Variants in CSMD1 observed in about 807,000 individuals in gnomAD.
The protein encoded by CSMD1 is CUB and Sushi multiple domains 1.
In CSMD1, 213 loss-of-function variants were observed where a neutral mutation model predicts 417.5. The observed-to-expected ratio is 0.51, with a 90% CI of 0.46 to 0.57. CSMD1 has a LOEUF of 0.57. Among genes scored for constraint, CSMD1 ranks in the 20% least tolerant of loss-of-function variants. CSMD1 has a pLI of 0.00. For synonymous variants in CSMD1, 2,862 were observed against 1,736.8 expected (o/e 1.65, Z -16.11); for missense variants, 6,923 against 4,529.7 (o/e 1.53, Z -15.17).
intron 26 of CSMD1, among the ~76,000 whole-genome samples, chr8:3,236,887 T>C (rs1799184588): frequency 6.6e-6 from 1 of 152,092 alleles, no homozygotes; most frequent in South Asian, 2.1e-4. Context: ...AGTGCCCTGT[T>C]TTCCAGTTTC....
At chr8:4,704,111 G>T (rs1346505859) in intron 1 of CSMD1, among the ~76,000 whole-genome samples, 1 of 152,152 alleles carries the variant, frequency 6.6e-6, no homozygotes, top group African/African-American at 2.4e-5. Flanking sequence ...GTCTGATACA[G>T]GCCTTCATCC....
At chr8:4,434,059 T>C (rs1249195275) in intron 2 of CSMD1, among the ~76,000 whole-genome samples, 2 of 152,168 alleles carry the variant, frequency 1.3e-5, no homozygotes, top group Non-Finnish European at 2.9e-5. Context: ...ATCTAGGGGC[T>C]GGACATTGGG....
chr8:4,505,150 A>G (rs1185107551), intron 2 of CSMD1, among the ~76,000 whole-genome samples: 1 of 152,210 alleles, frequency 6.6e-6, no homozygotes, highest in Non-Finnish European at 1.5e-5. Flanking sequence ...AAACCCCACA[A>G]TGATAAAAAC....
chr8:3,787,407 G>C (rs529909932), intron 5 of CSMD1, among the ~76,000 whole-genome samples: 94 of 152,178 alleles, frequency 6.2e-4, no homozygotes, highest in South Asian at 1.0e-3. Flanking sequence ...CTCCTGTTTT[G>C]TGGGAAATTC....
At chr8:3,289,572 G>A (rs1453009721) in intron 25 of CSMD1, among the ~76,000 whole-genome samples, 1 of 99,302 alleles carries the variant, frequency 1.0e-5, no homozygotes, top group Non-Finnish European at 2.4e-5. Flanking sequence ...TTCTCTGATG[G>A]CCGGTGATGA....
intron 3 of CSMD1, among the ~76,000 whole-genome samples, chr8:4,242,855 T>G (rs559775403): frequency 6.6e-6 from 1 of 152,312 alleles, no homozygotes; most frequent in African/African-American, 2.4e-5. Flanking sequence ...CTAGGTAAAT[T>G]AGATTAAAGC....
chr8:3,914,855 C>A (rs1808708963), intron 5 of CSMD1, among the ~76,000 whole-genome samples: 1 of 152,116 alleles, frequency 6.6e-6, no homozygotes, highest in Admixed American at 6.5e-5. Flanking sequence ...ACTTCCAAGG[C>A]ACACATCATA....
intron 6 of CSMD1, among the ~76,000 whole-genome samples, chr8:3,739,247 A>G (rs1357699457): frequency 6.6e-6 from 1 of 152,206 alleles, no homozygotes; most frequent in Non-Finnish European, 1.5e-5. Context: ...TTCTGTTCTC[A>G]TCCTTTGAAA....
intron 1 of CSMD1, among the ~76,000 whole-genome samples, chr8:4,645,074 T>C (rs1386098874): frequency 6.6e-6 from 1 of 152,088 alleles, no homozygotes; most frequent in Non-Finnish European, 1.5e-5. Context: ...AAAAGCAGAG[T>C]TGCTATTCTC....
At chr8:4,718,122 T>G (rs960100900) in intron 1 of CSMD1, among the ~76,000 whole-genome samples, 1 of 152,080 alleles carries the variant, frequency 6.6e-6, no homozygotes, top group Non-Finnish European at 1.5e-5. Context: ...GACAGGCACA[T>G]GCCACCATGC....
chr8:4,885,997 ATTTAC>A (rs147625090), intron 1 of CSMD1, among the ~76,000 whole-genome samples: 62,908 of 151,274 alleles, frequency 0.42, 13,350 homozygotes, highest in Middle Eastern at 0.52. Context: ...TTACTTATTT[ATTTAC>A]TTATTTGAGA....
chr8:4,094,563 A>G (rs542965513), intron 3 of CSMD1, among the ~76,000 whole-genome samples: 7 of 152,300 alleles, frequency 4.6e-5, no homozygotes, highest in African/African-American at 1.7e-4. Flanking sequence ...GTAGACGCCC[A>G]CATGAAAATA....
At chr8:3,633,968 T>G (rs901441164) in intron 7 of CSMD1, among the ~76,000 whole-genome samples, 5 of 151,224 alleles carry the variant, frequency 3.3e-5, no homozygotes, top group African/African-American at 1.2e-4. Context: ...GTATGAAACA[T>G]GAAGATGAAT....
At chr8:4,015,078 G>A (rs994522384) in intron 4 of CSMD1, among the ~76,000 whole-genome samples, 1 of 152,160 alleles carries the variant, frequency 6.6e-6, no homozygotes, top group East Asian at 1.9e-4. Flanking sequence ...CACTGGAATT[G>A]TTTATTGCAA....
intron 37 of CSMD1, among the ~76,000 whole-genome samples, chr8:3,168,636 C>T (rs1167083364): frequency 6.6e-6 from 1 of 151,782 alleles, no homozygotes; most frequent in Non-Finnish European, 1.5e-5. Context: ...CTTCATCACA[C>T]ACACACACAC....
intron 11 of CSMD1, among the ~76,000 whole-genome samples, chr8:3,477,961 G>T (rs2117228606): frequency 6.6e-6 from 1 of 152,298 alleles, no homozygotes; most frequent in African/African-American, 2.4e-5. Flanking sequence ...TCAAGGGAGT[G>T]CTTTCATTGA....
At chr8:3,613,867 G>A (rs376934894) in intron 8 of CSMD1, among the ~76,000 whole-genome samples, 1 of 152,088 alleles carries the variant, frequency 6.6e-6, no homozygotes, top group Admixed American at 6.6e-5. Context: ...AATAAAGGCA[G>A]AGATGTCTCA....
chr8:3,619,027 G>A (rs1218218156), intron 7 of CSMD1, among the ~76,000 whole-genome samples: 1 of 152,154 alleles, frequency 6.6e-6, no homozygotes, highest in African/African-American at 2.4e-5. Context: ...GCTGTGACAA[G>A]CACTGCTGTA....
At chr8:4,202,855 G>A (rs538585515) in intron 3 of CSMD1, among the ~76,000 whole-genome samples, 3 of 152,300 alleles carry the variant, frequency 2.0e-5, no homozygotes, top group Admixed American at 6.5e-5. Flanking sequence ...AACATCAAAT[G>A]CAGGTACCTG....
Sources: allele counts gnomAD v4.1 joint callset (sites outside exome capture counted in the v4.1 genomes callset), GRCh38; gene constraint gnomAD v4.1.1; transcripts MANE v1.5; gene names NCBI Gene and HGNC (gene_info 2026-07-23, HGNC 2026-07-21).